ZAN: variants seen among roughly 807,000 people sequenced by gnomAD.
ZAN encodes zonadhesin.
A neutral mutation model predicts 286.2 loss-of-function variants in ZAN; 260 were observed. The observed-to-expected ratio is 0.91, with a 90% confidence interval of 0.82 to 1.01. The LOEUF (loss-of-function observed/expected upper bound fraction) is 1.01. Ranked by LOEUF, ZAN falls within the 50% of genes least tolerant of loss-of-function variation. The pLI, the probability that ZAN is intolerant of heterozygous loss-of-function variation, is 0.00. For synonymous variants in ZAN, 1,368 were observed against 1,417.5 expected (o/e 0.97, Z 0.79); for missense variants, 3,410 against 3,639.2 (o/e 0.94, Z 1.62).
chr7:100,776,601 TTTTCTTTCTTTGTC>T, intron 34 of ZAN, 37 bp downstream of exon 34: 1 of 1,462,156 alleles, frequency 6.8e-7, no homozygotes, highest in Non-Finnish European at 9.1e-7. Context: ...TTTTCTTTCT[TTTTCTTTCTTTGTC>T]TTTCTTTCTT....
At chr7:100,792,982 C>CAAAAAAAAAAAAAAAAAAAAAAAA (rs1232116032) in intron 42 of ZAN, among the ~76,000 whole-genome samples, 2 of 50,964 alleles carry the variant, frequency 3.9e-5, no homozygotes, top group Non-Finnish European at 6.1e-5. Flanking sequence ...CATCCTATCT[C>CAAAAAAAAAAAAAAAAAAAAAAAA]AAAAAAAAAA....
rs1295762477 is a variant in ZAN, at chr7:100,791,019, A to G, written c.7435A>G (p.Met2479Val). ...CTACGACAAGAACCGCAAGAATGAC[A>G]TGATGCTGCCCAGTGGCGCCCTGAC... ...GNYDKNRKND[M>V]MLPSGALTQN... is the part of the protein sequence containing the mutation. Residue 2479 changes from methionine (M) to valine (V), a missense_variant, in exon 40 of 48, where the codon ATG (methionine) becomes GTG (valine). By Grantham distance (21) the Met-to-Val change is conservative (BLOSUM62 1). Transcript: ENST00000613979. 1.2e-6 allele frequency: 2 copies of G among 1,612,908 alleles called. No homozygotes were observed. Among genetic ancestry groups the G allele is most frequent in the South Asian group, 2.2e-5 (2 of 90,710 alleles).
intron 34 of ZAN, among the ~76,000 whole-genome samples, chr7:100,779,100 G>A (rs146614747): frequency 3.2e-4 from 48 of 152,140 alleles, no homozygotes; most frequent in African/African-American, 1.0e-3. Context: ...CTACTCGGGA[G>A]GCTGAGGCAG....
Position 100,773,451 on chromosome 7 carries a change from T to C in ZAN, c.5592T>C (p.Leu1864=). 1 of 1,613,910 alleles carries C rather than the reference T, an allele frequency of 6.2e-7. No individual in the cohort carries two copies. The highest frequency in any genetic ancestry group is 8.5e-7 in the Non-Finnish European group (1 of 1,179,890). The stretch of plus-strand genomic sequence containing the variant: ...TGAGTGGAACCTCCTGCGTGCCCCT[T>C]GGCCAGTGTGGCTGCACTGACCCAG... ...HILSGTSCVP[L]GQCGCTDPAG... is the part of the protein sequence containing the mutation. Residue 1864 remains leucine, a synonymous_variant, in exon 30 of 48, where the codon CTT becomes CTC. Transcript: ENST00000613979.
Position 100,790,924 on chromosome 7 carries a change from A to T in ZAN, c.7358-18A>T. Reference sequence around the variant, plus strand: ...AGAGTGAGGAGTCTCACTTCTGGGGACCCCCTTCCTCCCGCAGTGATCTCC... The same window carrying T: ...AGAGTGAGGAGTCTCACTTCTGGGGTCCCCCTTCCTCCCGCAGTGATCTCC... On this transcript the variant is annotated intron_variant, in intron 39 of 47. Coordinates refer to ENST00000613979, the MANE Select transcript of ZAN (RefSeq NM_003386.3). The T allele has an allele frequency of 6.4e-7, 1 of 1,551,426 alleles. No individual in the cohort carries two copies. The highest frequency in any genetic ancestry group is 8.7e-7 in the Non-Finnish European group (1 of 1,146,154).
rs766404250 is a variant in ZAN at position 100,753,240 on chromosome 7, G to A, written c.3124+11G>A. 3.2e-6 allele frequency: 5 copies of A among 1,564,710 alleles called. No homozygotes were observed. In the South Asian group the frequency reaches 4.8e-5, roughly 15 times the overall value. Reference sequence around the variant, plus strand: ...CCAGATCCAGTACAGGTATGAGGTGGATGGAGCGTGGGCCAAGGCTGAAAG... The same window carrying A: ...CCAGATCCAGTACAGGTATGAGGTGAATGGAGCGTGGGCCAAGGCTGAAAG... On this transcript the variant is annotated intron_variant, in intron 14 of 47. Coordinates refer to ENST00000613979, the MANE Select transcript of ZAN (RefSeq NM_003386.3).
At chr7:100,755,153 G>A (rs770491241) in intron 14 of ZAN, 73 bp from the exon 15 acceptor site, 4 of 1,499,286 alleles carry the variant, frequency 2.7e-6, no homozygotes, top group Non-Finnish European at 3.6e-6. Flanking sequence ...GAGTTTGGGG[G>A]TAGAGGAGAG....
Position 100,791,119 on chromosome 7 carries a change from C to T in ZAN, c.7529+6C>T, listed in dbSNP as rs73711190. The T allele has an allele frequency of 0.016, 25,113 of 1,608,690 alleles. 2,175 individuals are homozygous for T. In the African/African-American group the frequency reaches 0.23, roughly 15 times the overall value. On this transcript the variant is annotated splice_donor_region_variant and intron_variant, in intron 40 of 47. Transcript: ENST00000613979. ...GCACTCCTGCGCTTCCCCAGGTGCACGGCCTGGAAGGGATGAGGCGGGGGA... is the reference window on the plus strand; with the variant it reads ...GCACTCCTGCGCTTCCCCAGGTGCATGGCCTGGAAGGGATGAGGCGGGGGA...
chr7:100,772,713 C>A (rs1022696712), intron 29 of ZAN, among the ~76,000 whole-genome samples: 1 of 151,478 alleles, frequency 6.6e-6, no homozygotes, highest in Non-Finnish European at 1.5e-5. Context: ...CCCAGCTACT[C>A]GGGAGGCTGA....
At position 100,778,628 on chromosome 7, in the gene ZAN, G is replaced by A. The variant is rs1810976364; in HGVS notation, c.6318-818G>A. On this transcript the variant is annotated intron_variant, in intron 34 of 47. Transcript: ENST00000613979. ...AAAAAGGAAATCTGAGAGAAGACGA[G>A]GCCGATGGAAGATTGGCCAGAGCTC... Among the ~76,000 whole-genome samples, 5 of 151,394 alleles carry A rather than the reference G, an allele frequency of 3.3e-5. No homozygotes were observed. The South Asian group carries it at 1.0e-3, about 32-fold the overall frequency.
rs772226552 is a variant in ZAN at position 100,789,267 on chromosome 7, G to T, written c.7277G>T (p.Arg2426Leu). The T allele has an allele frequency of 1.2e-6, 2 of 1,613,820 alleles. No individual in the cohort carries two copies. The highest frequency in any genetic ancestry group is 1.7e-6 in the Non-Finnish European group (2 of 1,179,806). Residue 2426 changes from arginine (R) to leucine (L), a missense_variant, in exon 39 of 48, where the codon CGG becomes CTG. By Grantham distance (102) the Arg-to-Leu change is moderately radical. This residue lies in a region of ZAN where 1,289 missense variants were observed against 1,314.3 expected (regional missense o/e 0.98). Coordinates refer to ENST00000613979, the MANE Select transcript of ZAN (RefSeq NM_003386.3). ...AVPYRPNEHLRVTLWGQRLYL... is the reference protein window; with the variant it reads ...AVPYRPNEHLLVTLWGQRLYL... ...CCCTACAGGCCAAATGAACACCTGC[G>T]GGTCACCCTGTGGGGCCAACGGCTC...
At chr7:100,786,265 G>T in intron 37 of ZAN, 124 bp downstream of exon 37, 1 of 1,420,466 alleles carries the variant, frequency 7.0e-7, no homozygotes, top group South Asian at 1.3e-5. Context: ...TGGGGCGGGC[G>T]ACTGGATCAG....
chr7:100,773,613 T>G, intron 30 of ZAN, 108 bp from the exon 31 acceptor site: 2 of 1,541,236 alleles, frequency 1.3e-6, no homozygotes, highest in South Asian at 2.4e-5. Context: ...TGGCCAAGGC[T>G]GGGGGGCGAG....
intron 7 of ZAN, among the ~76,000 whole-genome samples, chr7:100,744,727 C>G (rs2115715607): frequency 6.6e-6 from 1 of 151,766 alleles, no homozygotes; most frequent in East Asian, 1.9e-4. Context: ...CCGCGCCCAG[C>G]AGCTTCAGTA....
intron 13 of ZAN, 125 bp downstream of exon 13, chr7:100,751,391 T>C (rs1808652432): frequency 2.9e-6 from 2 of 697,034 alleles, no homozygotes; most frequent in Non-Finnish European, 4.4e-6. Context: ...TGGCTTTGTT[T>C]TCCATCTTCA....
At chr7:100,738,787 C>A (rs1303954133) in intron 7 of ZAN, among the ~76,000 whole-genome samples, 174 bp downstream of exon 7, 1 of 137,464 alleles carries the variant, frequency 7.3e-6, no homozygotes, top group East Asian at 2.1e-4. Flanking sequence ...CACCGCCCTA[C>A]AAGCTCTACC....
chr7:100,736,931 C>T lies in ZAN; in HGVS notation c.376C>T (p.Leu126=), dbSNP rs1458198598. 6.7e-7 allele frequency: 1 copy of T among 1,500,148 alleles called. No homozygotes were observed. The highest frequency in any genetic ancestry group is 9.1e-7 in the Non-Finnish European group (1 of 1,096,452). 92.9% of individuals were successfully genotyped at this position (1,500,148 alleles called of 1,614,324 possible). A position where few individuals can be genotyped will look rare whatever the true frequency, so the allele number is the denominator to read the frequency against. ...CVHFAHHMFG[L]SWGAQLRLLL... ...GCACTTTGCCCACCACATGTTCGGG[C>T]TGTCTTGGGGCGCCCAGCTCAGGCT... Residue 126 remains leucine, a synonymous_variant, in exon 5 of 48, where the codon CTG becomes TTG. Transcript: ENST00000613979.
intron 35 of ZAN, among the ~76,000 whole-genome samples, chr7:100,783,783 T>TATATATATACACACAC (rs377402352): frequency 5.4e-4 from 11 of 20,476 alleles, no homozygotes; most frequent in African/African-American, 1.5e-3. Flanking sequence ...TATATATATA[T>TATATATATACACACAC]ACACATATAT....
At chr7:100,793,455 C>G (rs964214618) in intron 42 of ZAN, among the ~76,000 whole-genome samples, 7 of 152,090 alleles carry the variant, frequency 4.6e-5, no homozygotes, top group African/African-American at 1.7e-4. Flanking sequence ...TTGTTGTTGT[C>G]TGAGACAGAG....
Sources: allele counts gnomAD v4.1 joint callset (sites outside exome capture counted in the v4.1 genomes callset), GRCh38; gene constraint gnomAD v4.1.1; regional missense constraint gnomAD v4.1.1; transcripts MANE v1.5; gene names NCBI Gene and HGNC (gene_info 2026-07-23, HGNC 2026-07-21).